The following RNF212 variants were observed in gnomAD, a reference collection of about 807,000 sequenced individuals.
The protein encoded by RNF212 is ring finger protein 212.
RNF212 carries 33 observed loss-of-function variants against 34.7 expected under a neutral mutation model. That is an observed-to-expected ratio of 0.95 (90% CI 0.72 to 1.27). The LOEUF is 1.27. Ranked by LOEUF, RNF212 falls within the 50% of genes most tolerant of loss-of-function variation. The pLI is 0.00. For missense variants in RNF212, 377 were observed against 362.2 expected (o/e 1.04, Z -0.33); for synonymous variants, 140 against 136.1 (o/e 1.03, Z -0.20).
chr4:1,096,734 A>T, intron 3 of RNF212, 31 bp downstream of exon 3: 1 of 1,545,444 alleles, frequency 6.5e-7, no homozygotes, highest in Non-Finnish European at 8.9e-7. Flanking sequence ...CTGGCTCATC[A>T]CGGAACCAAG....
At chr4:1,085,203 A>C (rs1720980022) in intron 5 of RNF212, among the ~76,000 whole-genome samples, 1 of 152,252 alleles carries the variant, frequency 6.6e-6, no homozygotes, top group Non-Finnish European at 1.5e-5. Flanking sequence ...AATATGTGCC[A>C]CATCTGTGTA....
downstream of RNF212, among the ~76,000 whole-genome samples, chr4:1,069,026 G>A (rs974245210): frequency 6.6e-6 from 1 of 152,088 alleles, no homozygotes; most frequent in Non-Finnish European, 1.5e-5. Context: ...TGGGCAACAT[G>A]GCGAAACTCC....
At chr4:1,060,829 A>G (rs2153032334) in intron 3 of RNF212, among the ~76,000 whole-genome samples, 1 of 152,220 alleles carries the variant, frequency 6.6e-6, no homozygotes, top group East Asian at 1.9e-4. Context: ...GTGAGTCTGC[A>G]GGGCAGACAA....
chr4:1,091,923 G>A (rs529510471), intron 3 of RNF212, among the ~76,000 whole-genome samples: 1 of 152,338 alleles, frequency 6.6e-6, no homozygotes, highest in South Asian at 2.1e-4. Context: ...GAAGAGGAGT[G>A]GACAGAAGGA....
chr4:1,076,962 T>C (rs956422959), intron 8 of RNF212, among the ~76,000 whole-genome samples: 1 of 152,196 alleles, frequency 6.6e-6, no homozygotes, highest in African/African-American at 2.4e-5. Flanking sequence ...AAATGTGTGC[T>C]GGCCAGGCTG....
intron 4 of RNF212, among the ~76,000 whole-genome samples, chr4:1,089,702 T>C (rs1260236745): frequency 1.4e-5 from 2 of 144,704 alleles, no homozygotes; most frequent in African/African-American, 5.6e-5. Context: ...TGGGAAGTGA[T>C]TGGATCATGG....
In RNF212 at chr4:1,113,531, T is replaced by C; in HGVS notation, c.-67A>G. 7.4e-7 allele frequency: 1 copy of C among 1,352,356 alleles called. No homozygotes were observed. Among genetic ancestry groups the C allele is most frequent in the Non-Finnish European group, 1.0e-6 (1 of 974,194 alleles). 83.8% of individuals were successfully genotyped at this position (1,352,356 alleles called of 1,614,324 possible). A position where few individuals can be genotyped will look rare whatever the true frequency, so the allele number is the denominator to read the frequency against. The stretch of plus-strand genomic sequence containing the variant: ...AGCCCACGCAAGGTTGGGACCAGCC[T>C]CCCCGCGCAGGGCCCGAAGGCGGGC... On this transcript the variant is annotated 5_prime_UTR_variant, in exon 1 of 10. Coordinates refer to ENST00000433731, the MANE Select transcript of RNF212 (RefSeq NM_001131034.4).
At chr4:1,112,887 G>A (rs1725949758) in intron 1 of RNF212, among the ~76,000 whole-genome samples, 1 of 63,756 alleles carries the variant, frequency 1.6e-5, no homozygotes, top group Admixed American at 1.7e-4. Context: ...CCTCCCTGCA[G>A]CCCCCCACCA....
intron 4 of RNF212, among the ~76,000 whole-genome samples, chr4:1,088,222 G>C (rs376897853): frequency 3.3e-5 from 5 of 152,334 alleles, no homozygotes; most frequent in African/African-American, 1.2e-4. Flanking sequence ...TCAGGCTGAG[G>C]AGGTCTCAGA....
intron 3 of RNF212, among the ~76,000 whole-genome samples, chr4:1,064,027 A>T (rs1423094232): frequency 6.6e-6 from 1 of 152,154 alleles, no homozygotes; most frequent in Non-Finnish European, 1.5e-5. Context: ...ATATGGAAAA[A>T]AAAAATGAAG....
intron 7 of RNF212, among the ~76,000 whole-genome samples, chr4:1,080,156 G>C (rs757007823): frequency 2.6e-5 from 4 of 152,214 alleles, no homozygotes; most frequent in Non-Finnish European, 4.4e-5. Context: ...GCCAAAGGCA[G>C]ACAGGAAAAC....
intron 6 of RNF212, 40 bp downstream of exon 6, chr4:1,081,527 C>G: frequency 1.9e-6 from 3 of 1,603,660 alleles, no homozygotes; most frequent in Non-Finnish European, 2.6e-6. Context: ...CAGCAACATG[C>G]ATCTCTATTT....
chr4:1,093,718 A>G, intron 3 of RNF212: 2 of 1,536,258 alleles, frequency 1.3e-6, no homozygotes, highest in Non-Finnish European at 1.7e-6. Flanking sequence ...GATAACAGAC[A>G]TGTTTTATGA....
intron 8 of RNF212, among the ~76,000 whole-genome samples, chr4:1,074,752 C>T (rs1001149494): frequency 3.9e-5 from 6 of 152,156 alleles, no homozygotes; most frequent in African/African-American, 7.2e-5. Flanking sequence ...ACTCCTACCC[C>T]CAAGAAGACA....
At chr4:1,105,647 C>T (rs57265466) in intron 2 of RNF212, among the ~76,000 whole-genome samples, 7,308 of 152,306 alleles carry the variant, frequency 0.048, 604 homozygotes, top group African/African-American at 0.17. Context: ...CTGCACTAAG[C>T]GAGGATAAGA....
At chr4:1,101,290 C>T in intron 2 of RNF212, 2 of 334,848 alleles carry the variant, frequency 6.0e-6, no homozygotes, top group Non-Finnish European at 1.2e-5. Context: ...ACTGATTTTC[C>T]ATAATTGTAT....
intron 3 of RNF212, chr4:1,093,355 CATG>C (rs1447521627): frequency 2.6e-6 from 3 of 1,145,902 alleles, no homozygotes; most frequent in Admixed American, 7.3e-5. Context: ...ACAATAAATC[CATG>C]ATGTGTTAAC....
intron 2 of RNF212, chr4:1,100,354 G>A (rs1228118298): frequency 6.4e-6 from 1 of 157,334 alleles, no homozygotes; most frequent in East Asian, 1.9e-4. Flanking sequence ...GCTTACTTCC[G>A]AGCTACTGGT....
In RNF212 at chr4:1,096,771, G is replaced by C; in HGVS notation, c.240C>G (p.Thr80=). 1 of 1,611,934 alleles carries C rather than the reference G, an allele frequency of 6.2e-7. No homozygotes were observed. Among genetic ancestry groups the C allele is most frequent in the Non-Finnish European group, 8.5e-7 (1 of 1,177,956 alleles). The change falls in exon 3 of 10, where the codon ACC becomes ACG. Residue 80 remains threonine, a synonymous_variant. Transcript: ENST00000433731. ...DSLCKKYSRE[T]SQILEFQEKH... ...CACACCCCTCACAGCTCACCTGGGA[G>C]GTTTCCCTGGAGTACTTCTTACACA...
Sources: allele counts gnomAD v4.1 joint callset (sites outside exome capture counted in the v4.1 genomes callset), GRCh38; gene constraint gnomAD v4.1.1; transcripts MANE v1.5; gene names NCBI Gene and HGNC (gene_info 2026-07-23, HGNC 2026-07-21).